The following FUOM variants were observed in gnomAD, a reference collection of about 807,000 sequenced individuals.
FUOM encodes the protein fucose mutarotase.
FUOM carries 19 observed loss-of-function variants against 18.3 expected under a neutral mutation model. The observed-to-expected ratio is 1.04, with a 90% CI of 0.73 to 1.53. The LOEUF (loss-of-function observed/expected upper bound fraction) is 1.53. FUOM is among the 40% of genes most tolerant of loss of function. The probability of loss-of-function intolerance (pLI) is 0.00; values close to 1 mark genes in which losing one functional copy is unlikely to be tolerated. For missense variants in FUOM, 210 were observed against 200.9 expected, an observed-to-expected ratio of 1.04 and a Z score of -0.27; for synonymous variants, 102 against 87.9, an observed-to-expected ratio of 1.16 and a Z score of -0.90.
At chr10:133,354,928 G>A (rs1271527232), downstream of FUOM, among the ~76,000 whole-genome samples, 2 of 152,106 alleles carry the variant, frequency 1.3e-5, no homozygotes, top group Non-Finnish European at 2.9e-5. Context: ...GGTGTCCACA[G>A]CCCAGGGGCT....
chr10:133,356,310 G>A (rs190946087), intron 4 of FUOM, among the ~76,000 whole-genome samples: 8 of 152,344 alleles, frequency 5.3e-5, no homozygotes, highest in African/African-American at 1.9e-4. Context: ...ACCCCTCCAG[G>A]GGAGATTGAG....
chr10:133,355,664 C>A, intron 5 of FUOM, 74 bp downstream of exon 5: 4 of 1,552,212 alleles, frequency 2.6e-6, no homozygotes, highest in South Asian at 1.1e-5. Flanking sequence ...GCTCCTGAGG[C>A]CCCCCGGTGG....
intron 1 of FUOM, 25 bp downstream of exon 1, chr10:133,357,898 C>G: frequency 6.6e-7 from 1 of 1,513,828 alleles, no homozygotes; most frequent in East Asian, 2.7e-5. Flanking sequence ...GGGTGCTCCC[C>G]GAGGCCCCGG....
intron 2 of FUOM, 73 bp from the exon 3 acceptor site, chr10:133,357,086 C>T (rs1203456192): frequency 3.2e-6 from 5 of 1,539,736 alleles, no homozygotes; most frequent in Non-Finnish European, 4.4e-6. Context: ...CTTCACACTG[C>T]AAGCATGGAC....
rs747622920 is a variant in FUOM at position 133,356,657 on chromosome 10, G to A, written c.307C>T (p.Arg103Cys). Reference sequence around the variant, plus strand: ...AGGCTTACCACACAGCCGGCCCTGCGTAGGATGGACTCGTACTCCGTCCAC... The same window carrying A: ...AGGCTTACCACACAGCCGGCCCTGCATAGGATGGACTCGTACTCCGTCCAC... ...PVWTEYESIL[R>C]RAGCVRALAK... Residue 103 changes from arginine to cysteine, a missense_variant, in exon 4 of 6, where the codon CGC becomes TGC. Arg to Cys is a radical substitution (Grantham distance 180). Transcript: ENST00000278025. 2.3e-5 allele frequency: 36 copies of A among 1,589,068 alleles called. No individual in the cohort carries two copies. The highest frequency in any genetic ancestry group is 9.0e-5 in the South Asian group (8 of 88,584).
chr10:133,356,345 T>G (rs1848795895), intron 4 of FUOM, among the ~76,000 whole-genome samples: 1 of 151,960 alleles, frequency 6.6e-6, no homozygotes. Flanking sequence ...GCATCCTGAG[T>G]CCCCCAGGCT....
intron 2 of FUOM, 43 bp downstream of exon 2, chr10:133,357,144 C>G: frequency 6.5e-7 from 1 of 1,548,592 alleles, no homozygotes; most frequent in South Asian, 1.2e-5. Context: ...AGGAGCACCG[C>G]TCACCCGCCC....
chr10:133,353,217 G>A (rs954409084), downstream of FUOM, among the ~76,000 whole-genome samples: 4 of 152,174 alleles, frequency 2.6e-5, no homozygotes, highest in Non-Finnish European at 4.4e-5. Flanking sequence ...AGGTGAGGGC[G>A]GGTAGACCCA....
Position 133,356,958 on chromosome 10 carries a change from G to A in FUOM, c.210C>T (p.Thr70=). Residue 70 remains threonine (T), a synonymous_variant, in exon 3 of 6, where the codon ACC becomes ACT. Coordinates refer to ENST00000278025, the MANE Select transcript of FUOM (RefSeq NM_001098483.3). ...EAVLKLLPLD[T]YVESPAAVME... ...CAGCCCTCACCGGACTCTCCACATAGGTGTCCAGGGGCAGCAGCTTCAGCA... is the reference window on the plus strand; with the variant it reads ...CAGCCCTCACCGGACTCTCCACATAAGTGTCCAGGGGCAGCAGCTTCAGCA... 4 of 1,550,320 alleles carry A rather than the reference G, an allele frequency of 2.6e-6. No individual in the cohort carries two copies. The highest frequency in any genetic ancestry group is 3.5e-6 in the Non-Finnish European group (4 of 1,146,962).
chr10:133,355,425 A>G lies in FUOM; in HGVS notation c.410T>C (p.Leu137Pro), dbSNP rs931389187. Reference sequence around the variant, plus strand: ...CTTCCTGAGGATGAGGTTTCCGTAGAGGGCCGTCTCCCTGCAGAGGAGCCA... The same window carrying G: ...CTTCCTGAGGATGAGGTTTCCGTAGGGGGCCGTCTCCCTGCAGAGGAGCCA... Reference protein sequence around the residue: ...FAVVATGETALYGNLILRKGV... With the variant: ...FAVVATGETAPYGNLILRKGV... The change falls in exon 6 of 6, where the codon CTC becomes CCC. Residue 137 changes from leucine (L) to proline (P), a missense_variant. By Grantham distance (98) the Leu-to-Pro change is moderately conservative. Transcript: ENST00000278025. The G allele has an allele frequency of 1.1e-5, 18 of 1,610,128 alleles. No homozygotes were observed. The highest frequency in any genetic ancestry group is 1.5e-5 in the Non-Finnish European group (18 of 1,179,182).
In FUOM at chr10:133,357,938, G is replaced by A; in HGVS notation, c.70C>T (p.His24Tyr). The A allele has an allele frequency of 6.6e-7, 1 of 1,525,666 alleles. No individual in the cohort carries two copies. The highest frequency in any genetic ancestry group is 1.2e-5 in the South Asian group (1 of 82,718). 94.5% of individuals were successfully genotyped at this position (1,525,666 alleles called of 1,614,324 possible). The change falls in exon 1 of 6, where the codon CAC becomes TAC. Residue 24 changes from histidine to tyrosine, a missense_variant. By Grantham distance (83) the His-to-Tyr change is moderately conservative. Transcript: ENST00000278025. ...ELLYALARMG[H>Y]GDEIVLADLN... ...CTGCGCTCACCGATCTCGTCCCCGTGCCCCATCCGCGCCAGCGCGTAGAGC... is the reference window on the plus strand; with the variant it reads ...CTGCGCTCACCGATCTCGTCCCCGTACCCCATCCGCGCCAGCGCGTAGAGC...
At chr10:133,357,687 C>G in intron 1 of FUOM, 8 of 519,950 alleles carry the variant, frequency 1.5e-5, no homozygotes, top group Non-Finnish European at 2.7e-5. Context: ...CGAGGGCTCT[C>G]GGGCCGTCTG....
chr10:133,357,224 G>A lies in FUOM; in HGVS notation c.117C>T (p.Ser39=), dbSNP rs187126400. ...VLADLNFPAS[S]ICQCGPMEIR... ...TCTCCATGGGCCCACACTGGCAGAT[G>A]GAGGAGGCCGGGAAGTTCAAGTCCG... Residue 39 remains serine, a synonymous_variant, in exon 2 of 6, where the codon TCC becomes TCT. Transcript: ENST00000278025. The A allele has an allele frequency of 8.8e-6, 14 of 1,582,584 alleles. No homozygotes were observed. The highest frequency in any genetic ancestry group is 6.7e-5 in the African/African-American group (5 of 74,096).
At chr10:133,356,909 G>A (rs1284511372) in intron 3 of FUOM, 34 bp downstream of exon 3, 2 of 1,544,814 alleles carry the variant, frequency 1.3e-6, no homozygotes, top group Non-Finnish European at 8.8e-7. Context: ...CTGAGGCACG[G>A]AGCAGCAGGG....
chr10:133,355,810 C>T lies in FUOM; in HGVS notation c.326G>A (p.Arg109Lys). 1 of 1,612,724 alleles carries T rather than the reference C, an allele frequency of 6.2e-7. No individual in the cohort carries two copies. The highest frequency in any genetic ancestry group is 8.5e-7 in the Non-Finnish European group (1 of 1,179,754). The change falls in exon 5 of 6, where the codon AGA (arginine) becomes AAA (lysine). Residue 109 changes from arginine to lysine, a missense_variant and splice_region_variant. Arg to Lys is a conservative substitution (Grantham distance 26, BLOSUM62 2). Transcript: ENST00000278025. Reference sequence around the variant, plus strand: ...AAACCTCTCTATCTTTGCCAGGGCTCTCTGGAAGACAAAATGGCAGGGTTG... The same window carrying T: ...AAACCTCTCTATCTTTGCCAGGGCTTTCTGGAAGACAAAATGGCAGGGTTG... ...ESILRRAGCV[R>K]ALAKIERFEF...
chr10:133,356,578 C>T, intron 4 of FUOM, 62 bp downstream of exon 4: 1 of 1,328,698 alleles, frequency 7.5e-7, no homozygotes, highest in Non-Finnish European at 1.0e-6. Flanking sequence ...TTGGCTCCTC[C>T]TGAGCCTCCA....
rs776105847 is a variant in FUOM at position 133,357,946 on chromosome 10, C to T, written c.62G>A (p.Arg21Gln). 27 of 1,525,852 alleles carry T rather than the reference C, an allele frequency of 1.8e-5. No homozygotes were observed. In the East Asian group the frequency reaches 4.2e-4, roughly 24 times the overall value. 94.5% of individuals were successfully genotyped at this position (1,525,852 alleles called of 1,614,324 possible). The change falls in exon 1 of 6, where the codon CGG becomes CAG. Residue 21 changes from arginine (R) to glutamine (Q), a missense_variant. Arg to Gln is a conservative substitution (Grantham distance 43). Transcript: ENST00000278025. ...ACCGATCTCGTCCCCGTGCCCCATC[C>T]GCGCCAGCGCGTAGAGCAGCTCGGG... Reference protein sequence around the residue: ...LSPELLYALARMGHGDEIVLA... With the variant: ...LSPELLYALAQMGHGDEIVLA...
At chr10:133,354,705 G>A (rs1311443011), downstream of FUOM, among the ~76,000 whole-genome samples, 2 of 152,098 alleles carry the variant, frequency 1.3e-5, no homozygotes, top group Non-Finnish European at 2.9e-5. Context: ...ACCTCTGCCT[G>A]GCACTGGACT....
Position 133,357,266 on chromosome 10 carries a change from G to A in FUOM, c.86-11C>T, listed in dbSNP as rs779530808. On this transcript the variant is annotated splice_polypyrimidine_tract_variant and intron_variant, in intron 1 of 5. Transcript: ENST00000278025. Reference sequence around the variant, plus strand: ...TCAAGTCCGCAAGAACTAAACAGCCGGGAGGACAGCCCGTGTCGGCACCTA... The same window carrying A: ...TCAAGTCCGCAAGAACTAAACAGCCAGGAGGACAGCCCGTGTCGGCACCTA... 3.8e-6 allele frequency: 6 copies of A among 1,568,120 alleles called. No homozygotes were observed. The highest frequency in any genetic ancestry group is 4.8e-5 in the East Asian group (2 of 41,706).
Sources: allele counts gnomAD v4.1 joint callset (sites outside exome capture counted in the v4.1 genomes callset), GRCh38; gene constraint gnomAD v4.1.1; transcripts MANE v1.5; gene names NCBI Gene and HGNC (gene_info 2026-07-23, HGNC 2026-07-21).